The following KCNQ5 variants were observed in gnomAD, a reference collection of about 807,000 sequenced individuals.
The protein encoded by KCNQ5 is potassium voltage-gated channel subfamily KQT member 5.
Under a neutral mutation model 98.2 loss-of-function variants are expected in KCNQ5, and 30 were observed. That is an observed-to-expected ratio of 0.31 (90% confidence interval 0.23 to 0.41). The LOEUF (loss-of-function observed/expected upper bound fraction) is 0.41. Among genes scored for constraint, KCNQ5 ranks in the 10% least tolerant of loss-of-function variants. The pLI is 1.00. For synonymous variants in KCNQ5, 458 were observed against 449.4 expected, an observed-to-expected ratio of 1.02 and a Z score of -0.24; for missense variants, 835 against 1,182.5, an observed-to-expected ratio of 0.71 and a Z score of 4.31.
intron 1 of KCNQ5, among the ~76,000 whole-genome samples, chr6:72,751,837 A>G (rs572618603): frequency 2.0e-5 from 3 of 152,242 alleles, no homozygotes; most frequent in African/African-American, 7.2e-5. Context: ...TTTAATGATA[A>G]ATGATGGTCA....
At chr6:72,820,354 G>A (rs1379713067) in intron 1 of KCNQ5, among the ~76,000 whole-genome samples, 1 of 152,168 alleles carries the variant, frequency 6.6e-6, no homozygotes, top group Non-Finnish European at 1.5e-5. Flanking sequence ...CAGAGAGTCA[G>A]GATGACGAAG....
chr6:73,016,725 A>G (rs1562128735), intron 2 of KCNQ5, among the ~76,000 whole-genome samples: 1 of 152,068 alleles, frequency 6.6e-6, no homozygotes, highest in Non-Finnish European at 1.5e-5. Context: ...AATATAGAGA[A>G]CTTACAGGTT....
intron 10 of KCNQ5, among the ~76,000 whole-genome samples, chr6:73,162,879 G>C (rs6940584): frequency 0.1 from 15,351 of 152,042 alleles, 2,038 homozygotes; most frequent in African/African-American, 0.3. Flanking sequence ...CCAAAGCTGT[G>C]CACTGAAGTT....
chr6:72,803,842 A>T (rs1043353215), intron 1 of KCNQ5, among the ~76,000 whole-genome samples: 33 of 152,208 alleles, frequency 2.2e-4, no homozygotes, highest in Admixed American at 1.6e-3. Context: ...TATAAATAAT[A>T]CTTTTGTTTG....
intron 5 of KCNQ5, among the ~76,000 whole-genome samples, chr6:73,078,903 A>G (rs1773645772): frequency 1.3e-5 from 2 of 152,264 alleles, no homozygotes; most frequent in African/African-American, 4.8e-5. Flanking sequence ...CATTGGAGCT[A>G]TGCCGTAATA....
At chr6:72,946,361 C>T (rs894297579) in intron 1 of KCNQ5, among the ~76,000 whole-genome samples, 3 of 152,062 alleles carry the variant, frequency 2.0e-5, no homozygotes, top group Admixed American at 2.0e-4. Context: ...AGCACCTTTC[C>T]CCATTCATTT....
chr6:72,867,972 A>ACT lies in KCNQ5; in HGVS notation c.399-135936_399-135935insCT, dbSNP rs200767319. 5.7e-3 allele frequency among the ~76,000 whole-genome samples: 842 copies of ACT among 148,138 alleles called. 14 individuals are homozygous for ACT. The South Asian group carries it at 0.065, about 11-fold the overall frequency. On this transcript the variant is annotated intron_variant, in intron 1 of 13. Coordinates refer to ENST00000370398, the MANE Select transcript of KCNQ5 (RefSeq NM_019842.4). Reference sequence around the variant, plus strand: ...TAATACTACTACTACTACTACTACTAATAATAATAATAATAATTGGAGAGT... The same window carrying ACT: ...TAATACTACTACTACTACTACTACTACTATAATAATAATAATAATTGGAGAGT...
intron 3 of KCNQ5, among the ~76,000 whole-genome samples, chr6:73,051,140 A>C (rs1170727372): frequency 6.6e-6 from 1 of 152,170 alleles, no homozygotes; most frequent in East Asian, 1.9e-4. Context: ...TTCCTTTTAA[A>C]ATATAGAAAT....
intron 1 of KCNQ5, among the ~76,000 whole-genome samples, chr6:72,931,969 C>T (rs1765713529): frequency 6.6e-6 from 1 of 152,154 alleles, no homozygotes; most frequent in Admixed American, 6.6e-5. Flanking sequence ...CAAAAACCCA[C>T]CAGGCACTGG....
chr6:73,158,824 T>C (rs1777494746), intron 10 of KCNQ5, among the ~76,000 whole-genome samples: 1 of 152,200 alleles, frequency 6.6e-6, no homozygotes, highest in African/African-American at 2.4e-5. Context: ...CATTGCACAT[T>C]TTTAAATATT....
Position 72,622,728 on chromosome 6 carries a change from T to G in KCNQ5, c.398+141T>G, listed in dbSNP as rs561299158. On this transcript the variant is annotated intron_variant, in intron 1 of 13. Transcript: ENST00000370398. The surrounding 1 kb of genome is among the most constrained non-coding windows in gnomAD (Gnocchi z 6.0). ...TTTATTTCTTCGCACGTGTTCGTGG[T>G]CTTCCTTCTGGAGCCTCTCCCCTCC... The G allele has an allele frequency of 3.4e-3, 2,873 of 851,974 alleles. 11 individuals carry two copies. The highest frequency in any genetic ancestry group is 4.3e-3 in the Non-Finnish European group (2,376 of 554,914). The allele number at this position is 851,974 out of a possible 1,614,324, so 52.8% of individuals were successfully genotyped here.
intron 10 of KCNQ5, among the ~76,000 whole-genome samples, chr6:73,153,504 T>A (rs978303790): frequency 1.3e-5 from 2 of 152,168 alleles, no homozygotes; most frequent in African/African-American, 4.8e-5. Flanking sequence ...ATAATCCTTA[T>A]TGTGGATGAA....
intron 1 of KCNQ5, among the ~76,000 whole-genome samples, chr6:72,771,401 A>T (rs1172808499): frequency 6.6e-6 from 1 of 152,144 alleles, no homozygotes; most frequent in Non-Finnish European, 1.5e-5. Flanking sequence ...ATTTTTCAGC[A>T]ATTTAAAAGC....
intron 9 of KCNQ5, among the ~76,000 whole-genome samples, chr6:73,131,327 G>A (rs1776227730): frequency 1.3e-5 from 2 of 152,118 alleles, no homozygotes; most frequent in Admixed American, 1.3e-4. Flanking sequence ...ACATAGAAAA[G>A]AGATATATCT....
intron 1 of KCNQ5, among the ~76,000 whole-genome samples, chr6:72,968,050 A>C (rs535950391): frequency 2.4e-4 from 37 of 152,308 alleles, no homozygotes; most frequent in Admixed American, 2.3e-3. Flanking sequence ...CCAAGTCTCA[A>C]AATTGGACAT....
chr6:72,859,083 A>G (rs1427880035), intron 1 of KCNQ5, among the ~76,000 whole-genome samples: 2 of 152,194 alleles, frequency 1.3e-5, no homozygotes, highest in African/African-American at 4.8e-5. Context: ...TGTTTATGCC[A>G]TATAAATGTA....
intron 1 of KCNQ5, among the ~76,000 whole-genome samples, chr6:72,671,269 T>C (rs1767089079): frequency 1.3e-5 from 2 of 152,156 alleles, no homozygotes; most frequent in African/African-American, 4.8e-5. Flanking sequence ...AATGAGTCAC[T>C]TGCTCAGGAG....
chr6:72,733,104 A>G (rs1021441582), intron 1 of KCNQ5, among the ~76,000 whole-genome samples: 3 of 152,214 alleles, frequency 2.0e-5, no homozygotes. Context: ...GTTTGAACTT[A>G]GGAAAAGAAC....
intron 10 of KCNQ5, among the ~76,000 whole-genome samples, chr6:73,141,552 T>C (rs558699563): frequency 6.6e-6 from 1 of 152,380 alleles, no homozygotes; most frequent in African/African-American, 2.4e-5. Context: ...GGTTTGTTGT[T>C]ACTCTACAGT....
Sources: gnomAD v4.1 joint callset for allele counts (sites outside exome capture counted in the v4.1 genomes callset) on GRCh38, gnomAD v4.1.1 for gene constraint, Gnocchi (gnomAD v3.1) non-coding constraint, MANE v1.5 for transcripts, NCBI Gene and HGNC (gene_info 2026-07-23, HGNC 2026-07-21) for gene names.